RTN1: variants seen among roughly 807,000 people sequenced by gnomAD.
RTN1 encodes the protein reticulon-1.
A neutral mutation model predicts 65.5 loss-of-function variants in RTN1; 25 were observed. The observed-to-expected ratio is 0.38, with a 90% CI of 0.28 to 0.53. The LOEUF (loss-of-function observed/expected upper bound fraction) is 0.53. RTN1 is among the 20% of genes least tolerant of loss of function. RTN1 has a pLI of 0.79. For missense variants in RTN1, 983 were observed against 1,025.4 expected (o/e 0.96, Z 0.57); for synonymous variants, 471 against 447.6 (o/e 1.05, Z -0.66).
At chr14:59,861,720 C>G (rs1237674483) in intron 1 of RTN1, among the ~76,000 whole-genome samples, 1 of 152,204 alleles carries the variant, frequency 6.6e-6, no homozygotes, top group Admixed American at 6.5e-5. Flanking sequence ...TAATTTTGCT[C>G]TGTGAAATCA....
chr14:59,598,010 T>A (rs1881458069), intron 8 of RTN1, among the ~76,000 whole-genome samples: 1 of 152,060 alleles, frequency 6.6e-6, no homozygotes, highest in African/African-American at 2.4e-5. Context: ...AAACCATTGA[T>A]GAATTTAGGC....
At chr14:59,817,338 G>A (rs975328187) in intron 1 of RTN1, among the ~76,000 whole-genome samples, 3 of 152,100 alleles carry the variant, frequency 2.0e-5, no homozygotes, top group African/African-American at 7.2e-5. Flanking sequence ...CTTGATAGGG[G>A]GAAAACTGCA....
chr14:59,848,382 T>G (rs1281073464), intron 1 of RTN1, among the ~76,000 whole-genome samples: 1 of 152,240 alleles, frequency 6.6e-6, no homozygotes, highest in Non-Finnish European at 1.5e-5. Flanking sequence ...TCCAATTAAT[T>G]TTTAAAATGT....
intron 3 of RTN1, among the ~76,000 whole-genome samples, chr14:59,686,010 A>G (rs1232092297): frequency 6.6e-6 from 1 of 152,248 alleles, no homozygotes; most frequent in East Asian, 1.9e-4. Flanking sequence ...GCCCAGAGAT[A>G]AATCCATGCA....
At chr14:59,672,721 A>G (rs1003645824) in intron 3 of RTN1, among the ~76,000 whole-genome samples, 2 of 140,826 alleles carry the variant, frequency 1.4e-5, no homozygotes, top group East Asian at 4.4e-4. Context: ...GCTCACTGCA[A>G]GCTCCGCTTC....
chr14:59,609,875 ACACT>A (rs1790555317), intron 3 of RTN1, among the ~76,000 whole-genome samples: 2 of 152,192 alleles, frequency 1.3e-5, no homozygotes, highest in South Asian at 2.1e-4. Context: ...AAACAAACAC[ACACT>A]CACACAAATG....
chr14:59,639,853 T>C (rs1882740072), intron 3 of RTN1, among the ~76,000 whole-genome samples: 1 of 152,222 alleles, frequency 6.6e-6, no homozygotes, highest in South Asian at 2.1e-4. Context: ...TGTTAAACTT[T>C]GCATTTCTAG....
chr14:59,709,921 C>T (rs1185940985), intron 3 of RTN1, among the ~76,000 whole-genome samples: 5 of 152,110 alleles, frequency 3.3e-5, no homozygotes, highest in Non-Finnish European at 7.4e-5. Context: ...AAGTTAGCTT[C>T]CCATAAAAAA....
intron 3 of RTN1, chr14:59,630,665 G>A (rs748685253): frequency 2.3e-4 from 277 of 1,217,448 alleles, no homozygotes; most frequent in Non-Finnish European, 2.5e-4. Context: ...CGGGAGCGTC[G>A]CTGGCGCCGC....
At chr14:59,748,203 C>A (rs962014124) in intron 1 of RTN1, among the ~76,000 whole-genome samples, 9 of 129,864 alleles carry the variant, frequency 6.9e-5, no homozygotes, top group Non-Finnish European at 9.7e-5. Flanking sequence ...TTAAGTCAGT[C>A]TGTGAGGTTT....
intron 3 of RTN1, among the ~76,000 whole-genome samples, chr14:59,632,832 A>T (rs889023695): frequency 2.6e-5 from 4 of 151,886 alleles, no homozygotes; most frequent in African/African-American, 9.7e-5. Context: ...GCGGTGGTTC[A>T]CTCCTGTAAT....
At chr14:59,645,391 C>T (rs922785087) in intron 3 of RTN1, among the ~76,000 whole-genome samples, 1 of 152,008 alleles carries the variant, frequency 6.6e-6, no homozygotes, top group Non-Finnish European at 1.5e-5. Flanking sequence ...TACATGTTTT[C>T]TATATATTAC....
chr14:59,732,961 C>A (rs995440450), intron 2 of RTN1, among the ~76,000 whole-genome samples: 1 of 152,096 alleles, frequency 6.6e-6, no homozygotes, highest in Admixed American at 6.5e-5. Context: ...ACCATCTCTG[C>A]TGTTTGGTCA....
At chr14:59,852,469 A>C (rs1477595053) in intron 1 of RTN1, among the ~76,000 whole-genome samples, 2 of 152,190 alleles carry the variant, frequency 1.3e-5, no homozygotes, top group East Asian at 3.8e-4. Flanking sequence ...AGCATTTCCT[A>C]ATAATAATGG....
intron 1 of RTN1, among the ~76,000 whole-genome samples, chr14:59,787,687 G>A (rs1886275929): frequency 6.6e-6 from 1 of 152,204 alleles, no homozygotes; most frequent in Non-Finnish European, 1.5e-5. Context: ...TTACAATGCT[G>A]GGAGGTGGGG....
chr14:59,672,600 T>TTGAA (rs1157523162), intron 3 of RTN1, among the ~76,000 whole-genome samples: 1 of 151,358 alleles, frequency 6.6e-6, no homozygotes, highest in African/African-American at 2.4e-5. Flanking sequence ...GAGTGATTTG[T>TTGAA]TGAATGAATG....
At chr14:59,824,783 T>G (rs936795494) in intron 1 of RTN1, among the ~76,000 whole-genome samples, 2 of 152,230 alleles carry the variant, frequency 1.3e-5, no homozygotes, top group African/African-American at 4.8e-5. Flanking sequence ...AATATCTTAT[T>G]TGCCAACTAA....
chr14:59,819,074 G>C (rs1014578476), intron 1 of RTN1, among the ~76,000 whole-genome samples: 1 of 152,050 alleles, frequency 6.6e-6, no homozygotes, highest in South Asian at 2.1e-4. Flanking sequence ...GGCGCATCCC[G>C]AGTCGTTGGT....
intron 3 of RTN1, among the ~76,000 whole-genome samples, chr14:59,694,415 G>A (rs1323886895): frequency 6.6e-6 from 1 of 152,152 alleles, no homozygotes; most frequent in Admixed American, 6.5e-5. Context: ...ACATACGTAA[G>A]TGTGTGTATG....
Sources: allele counts gnomAD v4.1 joint callset (sites outside exome capture counted in the v4.1 genomes callset), GRCh38; gene constraint gnomAD v4.1.1; transcripts MANE v1.5; gene names NCBI Gene and HGNC (gene_info 2026-07-23, HGNC 2026-07-21).